CDK5RAP1: variants seen among roughly 807,000 people sequenced by gnomAD.
CDK5RAP1 encodes CDK5RAP1 mitochondrial tRNA methylthiotransferase, also known as mitochondrial tRNA methylthiotransferase CDK5RAP1.
CDK5RAP1 carries 62 observed loss-of-function variants against 64.5 expected under a neutral mutation model. That is an observed-to-expected ratio of 0.96 (90% CI 0.78 to 1.19). The LOEUF (loss-of-function observed/expected upper bound fraction) is 1.19. Among genes scored for constraint, CDK5RAP1 ranks in the 50% most tolerant of loss-of-function variants. CDK5RAP1 has a pLI of 0.00. For synonymous variants in CDK5RAP1, 250 were observed against 261.9 expected (o/e 0.95, Z 0.44); for missense variants, 657 against 735.0 (o/e 0.89, Z 1.23).
intron 7 of CDK5RAP1, 92 bp from the exon 8 acceptor site, chr20:33,379,783 T>C: frequency 1.0e-6 from 1 of 970,028 alleles, no homozygotes; most frequent in Non-Finnish European, 1.5e-6. Flanking sequence ...TAACATATCT[T>C]TTGTTTTAAA....
intron 1 of CDK5RAP1, among the ~76,000 whole-genome samples, chr20:33,401,093 T>TA (rs1487393911): frequency 6.6e-6 from 1 of 152,244 alleles, no homozygotes; most frequent in Non-Finnish European, 1.5e-5. Flanking sequence ...ATTGGCTGGT[T>TA]ACAATGCGTT....
rs368249549 is a variant in CDK5RAP1, at chr20:33,396,910, C to T, written c.155G>A (p.Arg52Gln). The change falls in exon 2 of 14, where the codon CGG becomes CAG. Residue 52 changes from arginine (R) to glutamine (Q), a missense_variant. Arg to Gln is a conservative substitution (Grantham distance 43). Transcript: ENST00000346416. ...AGCCAGCCTGGAGCTGAAATCCTTC[C>T]GAGCTCCATCCTCCTGCCTCTCTGG... Reference protein sequence around the residue: ...PSPERQEDGARKDFSSRLAAG... With the variant: ...PSPERQEDGAQKDFSSRLAAG... The T allele has an allele frequency of 1.5e-5, 25 of 1,614,072 alleles. No individual in the cohort carries two copies. The African/African-American group carries it at 2.5e-4, about 16-fold the overall frequency.
At chr20:33,391,475 T>A (rs1988315610) in intron 5 of CDK5RAP1, among the ~76,000 whole-genome samples, 1 of 152,152 alleles carries the variant, frequency 6.6e-6, no homozygotes. Flanking sequence ...CAGACCTAAA[T>A]CTTCACTTGA....
At position 33,395,066 on chromosome 20, in the gene CDK5RAP1, C is replaced by A; in HGVS notation, c.355G>T (p.Ala119Ser). 1 of 1,613,858 alleles carries A rather than the reference C, an allele frequency of 6.2e-7. No individual in the cohort carries two copies. Among genetic ancestry groups the A allele is most frequent in the Non-Finnish European group, 8.5e-7 (1 of 1,179,768 alleles). The change falls in exon 3 of 14, where the codon GCC (alanine) becomes TCC (serine). Residue 119 changes from alanine (A) to serine (S), a missense_variant. By Grantham distance (99) the Ala-to-Ser change is moderately conservative. Transcript: ENST00000346416. ...CCACTCTTCTGTAAGATGGACCAGG[C>A]TATCTCTGTGTCATTCACATTCATC... ...CQMNVNDTEIAWSILQKSGYL... is the reference protein window; with the variant it reads ...CQMNVNDTEISWSILQKSGYL...
chr20:33,378,963 T>C (rs1229218313), intron 8 of CDK5RAP1, among the ~76,000 whole-genome samples: 1 of 152,132 alleles, frequency 6.6e-6, no homozygotes, highest in East Asian at 1.9e-4. Flanking sequence ...GCAGACTTTT[T>C]TTTCGAGACA....
chr20:33,372,583 C>G (rs1008843173), intron 10 of CDK5RAP1, 59 bp downstream of exon 10: 3 of 909,178 alleles, frequency 3.3e-6, no homozygotes, highest in African/African-American at 1.7e-5. Flanking sequence ...CTGTATCTAA[C>G]CACAAGGCTG....
chr20:33,378,748 C>A (rs1986350477), intron 8 of CDK5RAP1, among the ~76,000 whole-genome samples: 1 of 152,088 alleles, frequency 6.6e-6, no homozygotes, highest in Non-Finnish European at 1.5e-5. Flanking sequence ...GATTTGAACC[C>A]GGGTCTGAGG....
chr20:33,387,540 G>C lies in CDK5RAP1; in HGVS notation c.545-7C>G, dbSNP rs201806223. The C allele has an allele frequency of 8.1e-6, 13 of 1,611,958 alleles. No individual in the cohort carries two copies. The Admixed American group carries it at 1.8e-4, about 23-fold the overall frequency. On this transcript the variant is annotated splice_region_variant and splice_polypyrimidine_tract_variant and intron_variant, in intron 5 of 13. Transcript: ENST00000346416. ...AACCTCTCAGCCATGCAGCCTGGAA[G>C]GGAAAAAGAAACAAGCACCTTTCCC... is the stretch of plus-strand genomic sequence containing the variant.
chr20:33,370,327 C>T (rs1388690900), intron 11 of CDK5RAP1, among the ~76,000 whole-genome samples, 172 bp downstream of exon 11: 4 of 152,138 alleles, frequency 2.6e-5, no homozygotes, highest in African/African-American at 9.7e-5. Flanking sequence ...AATTGCTGAA[C>T]CGTTTCAGAG....
intron 4 of CDK5RAP1, among the ~76,000 whole-genome samples, chr20:33,392,997 A>G (rs913889646): frequency 1.3e-5 from 2 of 151,768 alleles, no homozygotes; most frequent in Non-Finnish European, 2.9e-5. Context: ...ATCCTGCCTC[A>G]GCCTCCTGAG....
chr20:33,399,422 C>G (rs1326497147), intron 1 of CDK5RAP1, among the ~76,000 whole-genome samples: 1 of 152,228 alleles, frequency 6.6e-6, no homozygotes, highest in African/African-American at 2.4e-5. Flanking sequence ...GGGTCCTCCT[C>G]TGGGTTCCCA....
At chr20:33,400,918 G>C (rs1989351096) in intron 1 of CDK5RAP1, among the ~76,000 whole-genome samples, 1 of 152,174 alleles carries the variant, frequency 6.6e-6, no homozygotes, top group African/African-American at 2.4e-5. Flanking sequence ...CCTCTAGATG[G>C]GGATAATAGC....
chr20:33,367,745 A>T (rs1358913070), intron 11 of CDK5RAP1, among the ~76,000 whole-genome samples: 2 of 152,234 alleles, frequency 1.3e-5, no homozygotes, highest in African/African-American at 4.8e-5. Flanking sequence ...ATTTATCCTT[A>T]AAACACCTTT....
In CDK5RAP1 at chr20:33,381,655, G is replaced by A. The variant is rs139892972; in HGVS notation, c.877-1964C>T. ...GTTGCCCAGGCTAGTCTCAAACTCC[G>A]GAGCTCAGACAATCTGCACACCATG... On this transcript the variant is annotated intron_variant, in intron 7 of 13. Transcript: ENST00000346416. 6.0e-3 allele frequency among the ~76,000 whole-genome samples: 914 copies of A among 151,950 alleles called. 15 individuals are homozygous for A. Among genetic ancestry groups the A allele is most frequent in the African/African-American group, 0.021 (880 of 41,442 alleles).
At chr20:33,360,003 G>C (rs1982595091) in intron 13 of CDK5RAP1, 1 of 214,138 alleles carries the variant, frequency 4.7e-6, no homozygotes, top group Non-Finnish European at 9.3e-6. Context: ...TGAGCCGTCA[G>C]AGATCACAAA....
At chr20:33,382,735 C>T (rs537489221) in intron 7 of CDK5RAP1, among the ~76,000 whole-genome samples, 1 of 151,972 alleles carries the variant, frequency 6.6e-6, no homozygotes, top group African/African-American at 2.4e-5. Context: ...CATGGTGGTA[C>T]GTGCCTATAA....
intron 5 of CDK5RAP1, among the ~76,000 whole-genome samples, chr20:33,388,505 GCTCCCTCTCCCT>G (rs199659729): frequency 2.2e-5 from 3 of 134,826 alleles, no homozygotes; most frequent in Non-Finnish European, 3.1e-5. Context: ...TAATTTTTCA[GCTCCCTCTCCCT>G]CTCCCTCTCC....
At chr20:33,372,552 A>G (rs1397968216) in intron 10 of CDK5RAP1, 90 bp downstream of exon 10, 1 of 584,234 alleles carries the variant, frequency 1.7e-6, no homozygotes, top group South Asian at 3.3e-5. Context: ...CTGTGTCACA[A>G]GGAAATGCCA....
rs755336097 is a variant in CDK5RAP1 at position 33,360,350 on chromosome 20, C to T, written c.1683+1G>A. On this transcript the variant is annotated splice_donor_variant, in intron 13 of 13. Transcript: ENST00000346416. LOFTEE classifies it high-confidence loss of function. ...GCCAAAAGCCCAAAAGGACTCCTCA[C>T]CTTCACCAGCACATAGTCCCCAGGC... 6.2e-7 allele frequency: 1 copy of T among 1,613,806 alleles called. No homozygotes were observed. Among genetic ancestry groups the T allele is most frequent in the Non-Finnish European group, 8.5e-7 (1 of 1,179,902 alleles).
Sources: gnomAD v4.1 joint callset for allele counts (sites outside exome capture counted in the v4.1 genomes callset) on GRCh38, gnomAD v4.1.1 for gene constraint, MANE v1.5 for transcripts, NCBI Gene and HGNC (gene_info 2026-07-23, HGNC 2026-07-21) for gene names.